CPNE5: variants seen among roughly 807,000 people sequenced by gnomAD.
CPNE5 encodes copine 5, also known as copine-5.
Under a neutral mutation model 81.1 loss-of-function variants are expected in CPNE5, and 42 were observed. The observed-to-expected ratio is 0.52, with a 90% CI of 0.40 to 0.67. CPNE5 has a LOEUF of 0.67. Ranked by LOEUF, CPNE5 falls within the 30% of genes least tolerant of loss-of-function variation. The probability of loss-of-function intolerance (pLI) is 0.00; values close to 1 mark genes in which losing one functional copy is unlikely to be tolerated. For missense variants in CPNE5, 612 were observed against 815.5 expected, an observed-to-expected ratio of 0.75 and a Z score of 3.04; for synonymous variants, 313 against 321.5, an observed-to-expected ratio of 0.97 and a Z score of 0.28.
intron 8 of CPNE5, among the ~76,000 whole-genome samples, chr6:36,784,367 G>A (rs982236516): frequency 1.3e-5 from 2 of 152,250 alleles, no homozygotes; most frequent in Non-Finnish European, 2.9e-5. Flanking sequence ...GGGTACCCAT[G>A]CCACAGGGAA....
intron 8 of CPNE5, among the ~76,000 whole-genome samples, chr6:36,783,374 A>C (rs77405936): frequency 0.06 from 6,583 of 110,192 alleles, 163 homozygotes; most frequent in East Asian, 0.16. Flanking sequence ...ACTTGCAGTA[A>C]AAGTAAAAAA....
intron 10 of CPNE5, among the ~76,000 whole-genome samples, chr6:36,768,222 G>GTTTTTTTTTTTTTT (rs1554198661): frequency 2.5e-4 from 11 of 43,530 alleles, no homozygotes; most frequent in South Asian, 8.0e-4. Context: ...TCTATTCACA[G>GTTTTTTTTTTTTTT]TTCTTTTTTT....
At chr6:36,833,786 G>C (rs1773172285) in intron 1 of CPNE5, among the ~76,000 whole-genome samples, 1 of 152,158 alleles carries the variant, frequency 6.6e-6, no homozygotes, top group Admixed American at 6.5e-5. Context: ...GAGCAGAAAA[G>C]CCACTTTATG....
chr6:36,800,874 G>C (rs1350653459), intron 3 of CPNE5, among the ~76,000 whole-genome samples: 2 of 152,214 alleles, frequency 1.3e-5, no homozygotes, highest in East Asian at 3.8e-4. Flanking sequence ...GTGAGGAACA[G>C]TGGCTGTCAA....
chr6:36,834,254 C>CAAAAAAAAAAAAAAAAAAAAAAAA lies in CPNE5; in HGVS notation c.95+5005_95+5028dup, dbSNP rs1157250827. Reference sequence around the variant, plus strand: ...AGCTTGGGCAACAGAGACTGTATCTCAAAAAAAAAAAAAAAAAAAAAAAAG... The same window carrying CAAAAAAAAAAAAAAAAAAAAAAAA: ...AGCTTGGGCAACAGAGACTGTATCTCAAAAAAAAAAAAAAAAAAAAAAAAAAAAAAAAAAAAAAAAAAAAAAAAG... On this transcript the variant is annotated intron_variant, in intron 1 of 20. Transcript: ENST00000244751. Among the ~76,000 whole-genome samples, 3 of 21,684 alleles carry CAAAAAAAAAAAAAAAAAAAAAAAA rather than the reference C, an allele frequency of 1.4e-4. 1 individual carries two copies. Among genetic ancestry groups the CAAAAAAAAAAAAAAAAAAAAAAAA allele is most frequent in the Non-Finnish European group, 1.9e-4 (3 of 15,716 alleles). 14.2% of individuals were successfully genotyped at this position (21,684 alleles called of 152,430 possible).
At chr6:36,826,071 C>G (rs1261576181) in intron 1 of CPNE5, among the ~76,000 whole-genome samples, 7 of 152,142 alleles carry the variant, frequency 4.6e-5, no homozygotes, top group Non-Finnish European at 1.5e-5. Flanking sequence ...GGCTCTAGAA[C>G]TCGGATCTGG....
rs138296919 is a variant in CPNE5, at chr6:36,837,964, G to A, written c.95+1319C>T. ...AGAGTAATGACAAGATGCAAATGGCGTTGGGAGATGATCCTGACGGCATGG... is the reference window on the plus strand; with the variant it reads ...AGAGTAATGACAAGATGCAAATGGCATTGGGAGATGATCCTGACGGCATGG... On this transcript the variant is annotated intron_variant, in intron 1 of 20. Transcript: ENST00000244751. Among the ~76,000 whole-genome samples, 10 of 152,226 alleles carry A rather than the reference G, an allele frequency of 6.6e-5. No individual in the cohort carries two copies. The East Asian group carries it at 9.6e-4, about 15-fold the overall frequency.
At chr6:36,815,835 G>A (rs1433932584) in intron 3 of CPNE5, among the ~76,000 whole-genome samples, 2 of 152,248 alleles carry the variant, frequency 1.3e-5, no homozygotes, top group Non-Finnish European at 2.9e-5. Flanking sequence ...ACATGTGGGT[G>A]TGGTGGCTGG....
intron 8 of CPNE5, among the ~76,000 whole-genome samples, chr6:36,788,598 G>C (rs1032184423): frequency 8.0e-6 from 1 of 124,644 alleles, no homozygotes; most frequent in Admixed American, 7.8e-5. Context: ...CTAAATAAGA[G>C]GGTCTCGGTA....
chr6:36,768,380 T>C, intron 10 of CPNE5, among the ~76,000 whole-genome samples: 1 of 151,948 alleles, frequency 6.6e-6, no homozygotes, highest in Non-Finnish European at 1.5e-5. Flanking sequence ...TACAGGCGCA[T>C]GCCATCATAT....
intron 3 of CPNE5, among the ~76,000 whole-genome samples, chr6:36,811,206 G>A (rs1374960888): frequency 6.6e-6 from 1 of 152,118 alleles, no homozygotes; most frequent in Non-Finnish European, 1.5e-5. Context: ...TGGGGGGCCT[G>A]AGCAGTCCCC....
chr6:36,778,703 GCCCCGGACTTCCACCCAGAGC>G, intron 9 of CPNE5, 130 bp downstream of exon 9: 1 of 616,310 alleles, frequency 1.6e-6, no homozygotes, highest in Non-Finnish European at 3.0e-6. Flanking sequence ...CTACCCTGGG[GCCCCGGACTTCCACCCAGAGC>G]CCTTGCCCTC....
chr6:36,746,480 G>A lies in CPNE5; in HGVS notation c.1116C>T (p.His372=), dbSNP rs1269952344. Residue 372 remains histidine (H), a synonymous_variant, in exon 16 of 21, where the codon CAC becomes CAT. Coordinates refer to ENST00000244751, the MANE Select transcript of CPNE5 (RefSeq NM_020939.2). The surrounding 1 kb of genome is among the most constrained non-coding windows in gnomAD (Gnocchi z 4.5). The part of the protein sequence containing the change: ...ALTAVGEIIQ[H]YDSDKMFPAL... ...CAGGGAACATCTTGTCACTGTCGTA[G>A]TGCTGGATGATCTCTCCGACGGCAG... is the stretch of plus-strand genomic sequence containing the variant. The A allele has an allele frequency of 6.2e-7, 1 of 1,613,666 alleles. No individual in the cohort carries two copies. The highest frequency in any genetic ancestry group is 8.5e-7 in the Non-Finnish European group (1 of 1,179,794).
Position 36,746,298 on chromosome 6 carries a change from TC to T in CPNE5, c.1200+97del. On this transcript the variant is annotated intron_variant, in intron 16 of 20. Coordinates refer to ENST00000244751, the MANE Select transcript of CPNE5 (RefSeq NM_020939.2). This position sits in a 1 kb window ranked among gnomAD's most constrained non-coding sequence, Gnocchi z 4.5. ...ACCTCCACTGAGGCTGAGCCTTAAG[TC>T]CCCGGGCTCAGAGGAAGGGAAACGT... 1.4e-6 allele frequency: 2 copies of T among 1,470,118 alleles called. No individual in the cohort carries two copies. The highest frequency in any genetic ancestry group is 1.8e-6 in the Non-Finnish European group (2 of 1,106,930). 91.1% of individuals were successfully genotyped at this position (1,470,118 alleles called of 1,614,324 possible).
intron 8 of CPNE5, among the ~76,000 whole-genome samples, chr6:36,784,858 G>C (rs1768381514): frequency 6.6e-6 from 1 of 151,580 alleles, no homozygotes; most frequent in African/African-American, 2.4e-5. Flanking sequence ...TGGAAGGATT[G>C]AGCCCAAGAG....
Position 36,745,418 on chromosome 6 carries a change from T to C in CPNE5, c.1298A>G (p.Asn433Ser), listed in dbSNP as rs754534056. 1.6e-5 allele frequency: 25 copies of C among 1,607,416 alleles called. No homozygotes were observed. Among genetic ancestry groups the C allele is most frequent in the Non-Finnish European group, 2.0e-5 (24 of 1,177,720 alleles). ...CACGTGGGTGACCACGGGGGCAAAG[T>C]TGGTGGGGCCGTACAGCTGCACAGT... ...LRTVQLYGPT[N>S]FAPVVTHVAR... Residue 433 changes from asparagine to serine, a missense_variant, in exon 17 of 21, where the codon AAC (asparagine) becomes AGC (serine). Asn to Ser is a conservative substitution (Grantham distance 46, BLOSUM62 1). Transcript: ENST00000244751.
rs1764046355 is a variant in CPNE5 at position 36,745,471 on chromosome 6, G to A, written c.1245C>T (p.Ile415=). 1 of 1,598,720 alleles carries A rather than the reference G, an allele frequency of 6.3e-7. No homozygotes were observed. The highest frequency in any genetic ancestry group is 2.3e-5 in the East Asian group (1 of 44,264). ...GCAGGCTGCGGTGGTAGGCCTCCAG[G>A]ATGCCGTCGATGCCACAGCATGAGG... ...ENPSCCGIDG[I]LEAYHRSLRT... is the part of the protein sequence containing the mutation. The change falls in exon 17 of 21, where the codon ATC becomes ATT. Residue 415 remains isoleucine, a synonymous_variant. Transcript: ENST00000244751.
rs756154097 is a variant in CPNE5, at chr6:36,743,676, G to A, written c.1563+13C>T. On this transcript the variant is annotated intron_variant, in intron 20 of 20. Coordinates refer to ENST00000244751, the MANE Select transcript of CPNE5 (RefSeq NM_020939.2). ...TTGAATTTCCCATGGGGCAGGCAAG[G>A]CCTGGGCTTCACCTGGACGATGTCG... is the stretch of plus-strand genomic sequence containing the variant. The A allele has an allele frequency of 1.2e-6, 2 of 1,612,442 alleles. No homozygotes were observed. Among genetic ancestry groups the A allele is most frequent in the South Asian group, 1.1e-5 (1 of 91,064 alleles).
chr6:36,836,029 C>T (rs1273912101), intron 1 of CPNE5, among the ~76,000 whole-genome samples: 2 of 152,166 alleles, frequency 1.3e-5, no homozygotes, highest in African/African-American at 4.8e-5. Flanking sequence ...GTAGCTTACC[C>T]AAGGTCATAG....
Sources: gnomAD v4.1 joint callset for allele counts (sites outside exome capture counted in the v4.1 genomes callset) on GRCh38, gnomAD v4.1.1 for gene constraint, Gnocchi (gnomAD v3.1) non-coding constraint, MANE v1.5 for transcripts, NCBI Gene and HGNC (gene_info 2026-07-23, HGNC 2026-07-21) for gene names.